The following ATP10D variants were observed in gnomAD, a reference collection of about 807,000 sequenced individuals.
The protein encoded by ATP10D is ATPase phospholipid transporting 10D (putative).
Under a neutral mutation model 144.8 loss-of-function variants are expected in ATP10D, and 89 were observed. That is an observed-to-expected ratio of 0.61 (90% CI 0.52 to 0.73). ATP10D has a LOEUF of 0.73. Among genes scored for constraint, ATP10D ranks in the 30% least tolerant of loss-of-function variants. The probability of loss-of-function intolerance (pLI) is 0.00; values close to 1 mark genes in which losing one functional copy is unlikely to be tolerated. For missense variants in ATP10D, 1,603 were observed against 1,714.8 expected, an observed-to-expected ratio of 0.93 and a Z score of 1.15; for synonymous variants, 571 against 615.1, an observed-to-expected ratio of 0.93 and a Z score of 1.06.
chr4:47,520,254 C>T (rs1477566141), intron 3 of ATP10D, among the ~76,000 whole-genome samples: 1 of 152,060 alleles, frequency 6.6e-6, no homozygotes, highest in African/African-American at 2.4e-5. Flanking sequence ...CAAATTATAC[C>T]ATCTGTCTTT....
Position 47,546,847 on chromosome 4 carries a change from T to C in ATP10D, c.1620T>C (p.Ala540=). Residue 540 remains alanine (A), a synonymous_variant, in exon 10 of 23, where the codon GCT becomes GCC. Coordinates refer to ENST00000273859, the MANE Select transcript of ATP10D (RefSeq NM_020453.4). ...ASEVPHSRQA[A]FSSPIETDVV... ...AAGTGCCTCATTCCAGACAGGCTGC[T>C]TTCAGTAGCCCCATTGTAAGTATGA... The C allele has an allele frequency of 6.2e-7, 1 of 1,612,728 alleles. No individual in the cohort carries two copies. The highest frequency in any genetic ancestry group is 8.5e-7 in the Non-Finnish European group (1 of 1,179,826).
intron 10 of ATP10D, among the ~76,000 whole-genome samples, chr4:47,548,630 C>G (rs1212985936): frequency 2.0e-5 from 3 of 152,190 alleles, no homozygotes; most frequent in Non-Finnish European, 4.4e-5. Context: ...GGGCCATTTT[C>G]TTTTCATTTG....
intron 1 of ATP10D, among the ~76,000 whole-genome samples, chr4:47,503,983 C>T (rs1369837550): frequency 2.0e-5 from 3 of 152,032 alleles, no homozygotes; most frequent in African/African-American, 7.3e-5. Flanking sequence ...ATTACCCTTG[C>T]CTGACTTTTT....
intron 5 of ATP10D, among the ~76,000 whole-genome samples, chr4:47,532,676 A>T (rs527716792): frequency 6.6e-6 from 1 of 152,206 alleles, no homozygotes; most frequent in Non-Finnish European, 1.5e-5. Context: ...GAGATGCTTA[A>T]GCTACCTGTC....
At chr4:47,571,367 TTATAA>T (rs1719946196) in intron 16 of ATP10D, among the ~76,000 whole-genome samples, 1 of 149,768 alleles carries the variant, frequency 6.7e-6, no homozygotes, top group Admixed American at 6.7e-5. Context: ...ATATTATAAC[TTATAA>T]TAATATTAAT....
At chr4:47,554,593 T>C (rs1160721815) in intron 10 of ATP10D, 133 bp from the exon 11 acceptor site, 1 of 672,982 alleles carries the variant, frequency 1.5e-6, no homozygotes, top group Non-Finnish European at 2.4e-6. Context: ...ACATTACAAT[T>C]GTTTTTAGAA....
chr4:47,563,558 A>G (rs756203573), intron 14 of ATP10D, 23 bp from the exon 15 acceptor site: 13 of 1,587,412 alleles, frequency 8.2e-6, no homozygotes, highest in African/African-American at 4.1e-5. Flanking sequence ...TACAAGTCCT[A>G]TTGCACTTTG....
At chr4:47,549,265 G>A (rs904672134) in intron 10 of ATP10D, among the ~76,000 whole-genome samples, 3 of 152,180 alleles carry the variant, frequency 2.0e-5, no homozygotes, top group Non-Finnish European at 4.4e-5. Context: ...TCTCCTTTCT[G>A]TCATTGAGCC....
At chr4:47,520,552 G>A (rs1380416625) in intron 3 of ATP10D, among the ~76,000 whole-genome samples, 2 of 151,806 alleles carry the variant, frequency 1.3e-5, no homozygotes, top group African/African-American at 4.8e-5. Context: ...TTCTACTTCG[G>A]TAACTTCTTT....
chr4:47,491,303 G>A (rs1218236334), intron 1 of ATP10D: 2 of 798,548 alleles, frequency 2.5e-6, no homozygotes, highest in Admixed American at 2.2e-5. Context: ...AACACTGGTG[G>A]GGCATTCCTT....
At chr4:47,515,243 G>A (rs1178738958) in intron 2 of ATP10D, among the ~76,000 whole-genome samples, 1 of 152,042 alleles carries the variant, frequency 6.6e-6, no homozygotes, top group Non-Finnish European at 1.5e-5. Context: ...TTATAGCCGT[G>A]AGCCACCACA....
chr4:47,557,799 A>G lies in ATP10D; in HGVS notation c.1960A>G (p.Asn654Asp), dbSNP rs111616775. 13 of 1,614,120 alleles carry G rather than the reference A, an allele frequency of 8.1e-6. No homozygotes were observed. Among genetic ancestry groups the G allele is most frequent in the East Asian group, 2.2e-5 (1 of 44,878 alleles). The change falls in exon 12 of 23, where the codon AAC becomes GAC. Residue 654 changes from asparagine to aspartate, a missense_variant. By Grantham distance (23) the Asn-to-Asp change is conservative (BLOSUM62 1). Coordinates refer to ENST00000273859, the MANE Select transcript of ATP10D (RefSeq NM_020453.4). ...GAAAGAGCCATCTTCTGGAGTTCCA[A>G]ACGCCTTTGTGAGCAGACTCCCTCT... ...SGKEPSSGVP[N>D]AFVSRLPLFS...
At position 47,551,604 on chromosome 4, in the gene ATP10D, G is replaced by A. The variant is rs115519975; in HGVS notation, c.1636-3122G>A. On this transcript the variant is annotated intron_variant, in intron 10 of 22. Transcript: ENST00000273859. ...CTTTTATTGCTTACCCATGTGTCAA[G>A]TACTGAGTTAGGGATCCAAAGATCA... Among the ~76,000 whole-genome samples the A allele has an allele frequency of 1.1e-3, 166 of 152,298 alleles. 1 individual carries two copies. The highest frequency in any genetic ancestry group is 3.7e-3 in the African/African-American group (154 of 41,562).
intron 1 of ATP10D, among the ~76,000 whole-genome samples, chr4:47,486,762 G>A (rs1714781831): frequency 6.6e-6 from 1 of 152,070 alleles, no homozygotes; most frequent in South Asian, 2.1e-4. Context: ...AAATAACTTA[G>A]CAACATTTTA....
At position 47,592,477 on chromosome 4, in the gene ATP10D, T is replaced by G. The variant is rs1721091735; in HGVS notation, c.*1096T>G. ...ATAGCAAGTTTACTCCTATTGCGAATCATGTATGCTGGCTTTAGTTGTAAC... is the reference window on the plus strand; with the variant it reads ...ATAGCAAGTTTACTCCTATTGCGAAGCATGTATGCTGGCTTTAGTTGTAAC... On this transcript the variant is annotated 3_prime_UTR_variant, in exon 23 of 23. Transcript: ENST00000273859. 6.6e-6 allele frequency: 1 copy of G among 152,586 alleles called. No homozygotes were observed. The highest frequency in any genetic ancestry group is 1.5e-5 in the Non-Finnish European group (1 of 68,006). 9.5% of individuals were successfully genotyped at this position (152,586 alleles called of 1,614,324 possible).
Position 47,558,245 on chromosome 4 carries a change from C to G in ATP10D, c.2406C>G (p.Ile802Met). The change falls in exon 12 of 23, where the codon ATC becomes ATG. Residue 802 changes from isoleucine (I) to methionine (M), a missense_variant. Coordinates refer to ENST00000273859, the MANE Select transcript of ATP10D (RefSeq NM_020453.4). ...ATACGAAAGGCGCTGATTCTGTGAT[C>G]ATGGAGTTACTGTCGGTGGCTTCCC... ...VVYTKGADSVIMELLSVASPD... is the reference protein window; with the variant it reads ...VVYTKGADSVMMELLSVASPD... The G allele has an allele frequency of 6.2e-7, 1 of 1,613,468 alleles. No individual in the cohort carries two copies. Among genetic ancestry groups the G allele is most frequent in the South Asian group, 1.1e-5 (1 of 91,074 alleles).
chr4:47,526,226 T>A (rs1470625390), intron 5 of ATP10D, among the ~76,000 whole-genome samples: 1 of 152,218 alleles, frequency 6.6e-6, no homozygotes, highest in Admixed American at 6.5e-5. Context: ...GTGGGACTTA[T>A]TCCCCAAAAA....
chr4:47,546,539 A>T, intron 9 of ATP10D, 85 bp from the exon 10 acceptor site: 1 of 1,241,326 alleles, frequency 8.1e-7, no homozygotes, highest in African/African-American at 1.5e-5. Context: ...ATGGTGTGAA[A>T]TAGCTGCTTA....
intron 1 of ATP10D, among the ~76,000 whole-genome samples, chr4:47,508,742 C>G (rs911168309): frequency 5.3e-5 from 8 of 152,142 alleles, no homozygotes; most frequent in Non-Finnish European, 8.8e-5. Flanking sequence ...GTGAATTTAT[C>G]TCTATTTTAA....
Sources: allele counts gnomAD v4.1 joint callset (sites outside exome capture counted in the v4.1 genomes callset), GRCh38; gene constraint gnomAD v4.1.1; transcripts MANE v1.5; gene names NCBI Gene and HGNC (gene_info 2026-07-23, HGNC 2026-07-21).